Variants in KLHDC7A observed in about 807,000 individuals in gnomAD.
The protein encoded by KLHDC7A is kelch domain containing 7A.
For synonymous variants in KLHDC7A, 464 were observed against 461.0 expected, an observed-to-expected ratio of 1.01 and a Z score of -0.08; for missense variants, 1,123 against 1,052.6, an observed-to-expected ratio of 1.07 and a Z score of -0.93.
rs1451260945 is a variant in KLHDC7A, at chr1:18,482,140, C to T, written c.1159C>T (p.Pro387Ser). 1 of 1,611,700 alleles carries T rather than the reference C, an allele frequency of 6.2e-7. No individual in the cohort carries two copies. Among genetic ancestry groups the T allele is most frequent in the South Asian group, 1.1e-5 (1 of 91,006 alleles). The change falls in exon 1 of 1, where the codon CCA becomes TCA. Residue 387 changes from proline (P) to serine (S), a missense_variant. Physicochemically the swap from Pro to Ser is moderately conservative, Grantham distance 74. Coordinates refer to ENST00000400664, the MANE Select transcript of KLHDC7A (RefSeq NM_152375.3). ...LQPDGFRLPA[P>S]PCPDPGALPG... ...GCCAGATGGCTTCCGGCTCCCCGCT[C>T]CACCCTGCCCAGACCCGGGCGCCCT... is the stretch of plus-strand genomic sequence containing the variant.
rs745924222 is a variant in KLHDC7A, at chr1:18,483,232, C to G, written c.2251C>G (p.Arg751Gly). The G allele has an allele frequency of 6.2e-7, 1 of 1,613,862 alleles. No homozygotes were observed. The highest frequency in any genetic ancestry group is 2.2e-5 in the East Asian group (1 of 44,886). The change falls in exon 1 of 1, where the codon CGG (arginine) becomes GGG (glycine). Residue 751 changes from arginine (R) to glycine (G), a missense_variant. Arg to Gly is a moderately radical substitution (Grantham distance 125). Coordinates refer to ENST00000400664, the MANE Select transcript of KLHDC7A (RefSeq NM_152375.3). The part of the protein sequence containing the change: ...VSPRFVPKEL[R>G]SFPAPQGTLL... ...ACCCAGGTTTGTGCCCAAGGAGCTG[C>G]GGAGTTTCCCGGCCCCGCAGGGCAC...
Position 18,481,242 on chromosome 1 carries a change from G to A in KLHDC7A, c.261G>A (p.Lys87=). ...GGCCAAGACGTCGGAGGAGCAGCAAGCGGGCTGAAGCACCACAGGGCTGCA... is the reference window on the plus strand; with the variant it reads ...GGCCAAGACGTCGGAGGAGCAGCAAACGGGCTGAAGCACCACAGGGCTGCA... ...LRGPRRRRSS[K]RAEAPQGCSC... The change falls in exon 1 of 1, where the codon AAG becomes AAA. Residue 87 remains lysine (K), a synonymous_variant. Coordinates refer to ENST00000400664, the MANE Select transcript of KLHDC7A (RefSeq NM_152375.3). 1 of 1,583,918 alleles carries A rather than the reference G, an allele frequency of 6.3e-7. No homozygotes were observed. The highest frequency in any genetic ancestry group is 1.2e-5 in the South Asian group (1 of 86,414).
rs190841141 is a variant in KLHDC7A at position 18,483,374 on chromosome 1, C to G, written c.*59C>G. 5.7e-6 allele frequency: 9 copies of G among 1,569,242 alleles called. No homozygotes were observed. In the East Asian group the frequency reaches 2.0e-4, roughly 35 times the overall value. On this transcript the variant is annotated 3_prime_UTR_variant, in exon 1 of 1. Transcript: ENST00000400664. ...GGGGCCACCGGGCTCCACTGCCAGC[C>G]GTCCCTCTGGGGGCCATTTCTAGGC...
Position 18,481,360 on chromosome 1 carries a change from G to T in KLHDC7A, c.379G>T (p.Gly127Cys), listed in dbSNP as rs199684312. ...PQRKGSGEER[G>C]GQGSDSEQVP... ...GAGAAAAGGCTCAGGTGAGGAGCGG[G>T]GCGGGCAGGGCTCGGACTCTGAGCA... The change falls in exon 1 of 1, where the codon GGC becomes TGC. Residue 127 changes from glycine to cysteine, a missense_variant. Physicochemically the swap from Gly to Cys is radical, Grantham distance 159. Transcript: ENST00000400664. 1,257 of 1,607,114 alleles carry T rather than the reference G, an allele frequency of 7.8e-4. 15 individuals carry two copies. The African/African-American group carries it at 0.014, about 18-fold the overall frequency.
Position 18,482,301 on chromosome 1 carries a change from C to T in KLHDC7A, c.1320C>T (p.Thr440=). ...LDLGNCYEVL[T]LAKRQNLEAL... ...TGGGCAATTGCTATGAGGTGCTGAC[C>T]TTGGCCAAGAGGCAGAACCTGGAGG... The change falls in exon 1 of 1, where the codon ACC becomes ACT. Residue 440 remains threonine, a synonymous_variant. Transcript: ENST00000400664. 1.2e-6 allele frequency: 2 copies of T among 1,602,460 alleles called. No homozygotes were observed. Among genetic ancestry groups the T allele is most frequent in the East Asian group, 4.5e-5 (2 of 44,860 alleles).
In KLHDC7A at chr1:18,481,792, G is replaced by C. The variant is rs199955225; in HGVS notation, c.811G>C (p.Glu271Gln). 7.4e-6 allele frequency: 12 copies of C among 1,614,136 alleles called. No individual in the cohort carries two copies. Among genetic ancestry groups the C allele is most frequent in the Non-Finnish European group, 1.0e-5 (12 of 1,180,022 alleles). ...TFSSIARVRM[E>Q]EHFIQKAEGV... ...CTCATCCATAGCCCGCGTCCGAATGGAGGAGCATTTCATACAGAAGGCGGA... is the reference window on the plus strand; with the variant it reads ...CTCATCCATAGCCCGCGTCCGAATGCAGGAGCATTTCATACAGAAGGCGGA... Residue 271 changes from glutamate (E) to glutamine (Q), a missense_variant, in exon 1 of 1, where the codon GAG becomes CAG. Glu to Gln is a conservative substitution (Grantham distance 29). Coordinates refer to ENST00000400664, the MANE Select transcript of KLHDC7A (RefSeq NM_152375.3).
At position 18,483,620 on chromosome 1, in the gene KLHDC7A, C is replaced by T. The variant is rs571144346; in HGVS notation, c.*305C>T. The T allele has an allele frequency of 4.2e-4, 543 of 1,300,116 alleles. 1 individual carries two copies. Among genetic ancestry groups the T allele is most frequent in the Admixed American group, 1.6e-3 (47 of 28,980 alleles). The allele number at this position is 1,300,116 out of a possible 1,614,324, so 80.5% of individuals were successfully genotyped here. On this transcript the variant is annotated 3_prime_UTR_variant, in exon 1 of 1. Coordinates refer to ENST00000400664, the MANE Select transcript of KLHDC7A (RefSeq NM_152375.3). ...AACTCTGAATTCTTGGGGGGATACA[C>T]CGGGACCCCACCAAAGCTTAGGGGG...
chr1:18,481,857 C>G lies in KLHDC7A; in HGVS notation c.876C>G (p.Tyr292Ter). 1.2e-6 allele frequency: 2 copies of G among 1,613,998 alleles called. No individual in the cohort carries two copies. The highest frequency in any genetic ancestry group is 2.7e-5 in the African/African-American group (2 of 75,062). The part of the protein sequence containing the change: ...EPRLKGKVYD[Y>*]YVESTSQAIF... ...GGCTCAAGGGCAAGGTGTACGACTA[C>G]TATGTGGAATCTACCTCTCAGGCCA... The change falls in exon 1 of 1, where the codon TAC becomes TAG. Residue 292 changes from tyrosine to a stop codon, truncating the protein, a stop_gained. Transcript: ENST00000400664. LOFTEE classifies it low-confidence loss of function (END_TRUNC).
At position 18,483,194 on chromosome 1, in the gene KLHDC7A, C is replaced by T; in HGVS notation, c.2213C>T (p.Ala738Val). 6.2e-7 allele frequency: 1 copy of T among 1,614,076 alleles called. No individual in the cohort carries two copies. The highest frequency in any genetic ancestry group is 8.5e-7 in the Non-Finnish European group (1 of 1,180,036). ...VGRRSTLCFLADSVSPRFVPK... is the reference protein window; with the variant it reads ...VGRRSTLCFLVDSVSPRFVPK... ...CGCCGGAGCACCCTCTGCTTCCTAG[C>T]AGACTCTGTCTCACCCAGGTTTGTG... The change falls in exon 1 of 1, where the codon GCA becomes GTA. Residue 738 changes from alanine (A) to valine (V), a missense_variant. By Grantham distance (64) the Ala-to-Val change is moderately conservative. Transcript: ENST00000400664.
Position 18,483,081 on chromosome 1 carries a change from G to T in KLHDC7A, c.2100G>T (p.Arg700=). The T allele has an allele frequency of 6.2e-7, 1 of 1,613,766 alleles. No homozygotes were observed. The highest frequency in any genetic ancestry group is 1.1e-5 in the South Asian group (1 of 91,076). Residue 700 remains arginine (R), a synonymous_variant, in exon 1 of 1, where the codon CGG becomes CGT. Coordinates refer to ENST00000400664, the MANE Select transcript of KLHDC7A (RefSeq NM_152375.3). ...TGTACCGCTGCAGCGCCAGCACCCG[G>T]CTCTGGTACGAGTGCGCCACGTACC... ...IAVYRCSAST[R]LWYECATYRT... is the part of the protein sequence containing the mutation.
In KLHDC7A at chr1:18,482,488, G is replaced by A. The variant is rs868848351; in HGVS notation, c.1507G>A (p.Glu503Lys). The change falls in exon 1 of 1, where the codon GAA becomes AAA. Residue 503 changes from glutamate (E) to lysine (K), a missense_variant. Glu to Lys is a moderately conservative substitution (Grantham distance 56, BLOSUM62 1). Transcript: ENST00000400664. ...GGTGGTGGCTGACGTGTGCCCCAAG[G>A]AAGACTCCGGCGGCCTCTGTTGCTA... Reference protein sequence around the residue: ...YLVVADVCPKEDSGGLCCYDD... With the variant: ...YLVVADVCPKKDSGGLCCYDD... The A allele has an allele frequency of 6.2e-7, 1 of 1,611,666 alleles. No individual in the cohort carries two copies.
At position 18,483,129 on chromosome 1, in the gene KLHDC7A, C is replaced by A; in HGVS notation, c.2148C>A (p.Phe716Leu). The A allele has an allele frequency of 6.2e-7, 1 of 1,614,022 alleles. No homozygotes were observed. The highest frequency in any genetic ancestry group is 8.5e-7 in the Non-Finnish European group (1 of 1,180,038). Reference sequence around the variant, plus strand: ...ACCGGACGCCTTACCCGGATGCCTTCCAGTGCGCCGTGGTGGACAACCTCA... The same window carrying A: ...ACCGGACGCCTTACCCGGATGCCTTACAGTGCGCCGTGGTGGACAACCTCA... The part of the protein sequence containing the change: ...ATYRTPYPDA[F>L]QCAVVDNLIY... The change falls in exon 1 of 1, where the codon TTC becomes TTA. Residue 716 changes from phenylalanine (F) to leucine (L), a missense_variant. By Grantham distance (22) the Phe-to-Leu change is conservative. Transcript: ENST00000400664.
Position 18,482,755 on chromosome 1 carries a change from T to C in KLHDC7A, c.1774T>C (p.Tyr592His). The stretch of plus-strand genomic sequence containing the variant: ...GCTGGTGGCCCTGGACGGGCACCTG[T>C]ATGCCATCGGCGGAGAGTGTCTGAA... ...CRLVALDGHLYAIGGECLNSV... is the reference protein window; with the variant it reads ...CRLVALDGHLHAIGGECLNSV... Residue 592 changes from tyrosine to histidine, a missense_variant, in exon 1 of 1, where the codon TAT becomes CAT. By Grantham distance (83) the Tyr-to-His change is moderately conservative. Coordinates refer to ENST00000400664, the MANE Select transcript of KLHDC7A (RefSeq NM_152375.3). 1 of 1,610,828 alleles carries C rather than the reference T, an allele frequency of 6.2e-7. No individual in the cohort carries two copies. Among genetic ancestry groups the C allele is most frequent in the Non-Finnish European group, 8.5e-7 (1 of 1,179,358 alleles).
Position 18,481,579 on chromosome 1 carries a change from G to A in KLHDC7A, c.598G>A (p.Gly200Arg). Residue 200 changes from glycine (G) to arginine (R), a missense_variant, in exon 1 of 1, where the codon GGG (glycine) becomes AGG (arginine). Gly to Arg is a moderately radical substitution (Grantham distance 125, BLOSUM62 -2). Coordinates refer to ENST00000400664, the MANE Select transcript of KLHDC7A (RefSeq NM_152375.3). ...TAAACCCCGTGAGCATCCAGGACTG[G>A]GGCAACTAGAACCTCCCCACTGTCA... is the stretch of plus-strand genomic sequence containing the variant. The part of the protein sequence containing the change: ...DSKPREHPGL[G>R]QLEPPHCHYV... The A allele has an allele frequency of 6.2e-7, 1 of 1,613,718 alleles. No individual in the cohort carries two copies. The highest frequency in any genetic ancestry group is 8.5e-7 in the Non-Finnish European group (1 of 1,179,980).
chr1:18,482,719 C>A lies in KLHDC7A; in HGVS notation c.1738C>A (p.Pro580Thr). Reference sequence around the variant, plus strand: ...GGTGTGCCCGCTGAACCAGGCCCGGCCGCACTGCCGGCTGGTGGCCCTGGA... The same window carrying A: ...GGTGTGCCCGCTGAACCAGGCCCGGACGCACTGCCGGCTGGTGGCCCTGGA... ...SEVCPLNQAR[P>T]HCRLVALDGH... Residue 580 changes from proline to threonine, a missense_variant, in exon 1 of 1, where the codon CCG (proline) becomes ACG (threonine). Transcript: ENST00000400664. The A allele has an allele frequency of 6.2e-7, 1 of 1,610,218 alleles. No individual in the cohort carries two copies.
At position 18,483,013 on chromosome 1, in the gene KLHDC7A, T is replaced by C; in HGVS notation, c.2032T>C (p.Phe678Leu). 14 of 1,613,334 alleles carry C rather than the reference T, an allele frequency of 8.7e-6. No homozygotes were observed. The highest frequency in any genetic ancestry group is 1.2e-5 in the Non-Finnish European group (14 of 1,179,930). The change falls in exon 1 of 1, where the codon TTT (phenylalanine) becomes CTT (leucine). Residue 678 changes from phenylalanine to leucine, a missense_variant. Transcript: ENST00000400664. ...GGCCGAGATGGTGGCGGTCAACGGC[T>C]TTCTCTACCGCTTTGACCTCAACCG... The part of the protein sequence containing the change: ...RTAEMVAVNG[F>L]LYRFDLNRSL...
chr1:18,481,793 A>G lies in KLHDC7A; in HGVS notation c.812A>G (p.Glu271Gly). Residue 271 changes from glutamate (E) to glycine (G), a missense_variant, in exon 1 of 1, where the codon GAG (glutamate) becomes GGG (glycine). Transcript: ENST00000400664. Reference protein sequence around the residue: ...TFSSIARVRMEEHFIQKAEGV... With the variant: ...TFSSIARVRMGEHFIQKAEGV... ...TCATCCATAGCCCGCGTCCGAATGGAGGAGCATTTCATACAGAAGGCGGAG... is the reference window on the plus strand; with the variant it reads ...TCATCCATAGCCCGCGTCCGAATGGGGGAGCATTTCATACAGAAGGCGGAG... The G allele has an allele frequency of 6.2e-7, 1 of 1,614,100 alleles. No individual in the cohort carries two copies. The highest frequency in any genetic ancestry group is 8.5e-7 in the Non-Finnish European group (1 of 1,180,006).
At position 18,483,122 on chromosome 1, in the gene KLHDC7A, A is replaced by G. The variant is rs1336286347; in HGVS notation, c.2141A>G (p.Asp714Gly). The G allele has an allele frequency of 9.9e-6, 16 of 1,613,794 alleles. No homozygotes were observed. The highest frequency in any genetic ancestry group is 1.4e-5 in the Non-Finnish European group (16 of 1,180,014). The change falls in exon 1 of 1, where the codon GAT becomes GGT. Residue 714 changes from aspartate to glycine, a missense_variant. Transcript: ENST00000400664. ...GCCACGTACCGGACGCCTTACCCGG[A>G]TGCCTTCCAGTGCGCCGTGGTGGAC... ...ECATYRTPYP[D>G]AFQCAVVDNL...
rs758380139 is a variant in KLHDC7A, at chr1:18,482,406, G to A, written c.1425G>A (p.Leu475=). Residue 475 remains leucine (L), a synonymous_variant, in exon 1 of 1, where the codon CTG becomes CTA. Transcript: ENST00000400664. The part of the protein sequence containing the change: ...VLRSPDIYGC[L]SGAERELILQ... Reference sequence around the variant, plus strand: ...GCAGCCCGGACATCTACGGGTGCCTGAGCGGGGCAGAGCGCGAGCTGATCC... The same window carrying A: ...GCAGCCCGGACATCTACGGGTGCCTAAGCGGGGCAGAGCGCGAGCTGATCC... 6 of 1,607,260 alleles carry A rather than the reference G, an allele frequency of 3.7e-6. No individual in the cohort carries two copies. Among genetic ancestry groups the A allele is most frequent in the Non-Finnish European group, 4.2e-6 (5 of 1,179,932 alleles).
Sources: gnomAD v4.1 joint callset for allele counts on GRCh38, gnomAD v4.1.1 for gene constraint, MANE v1.5 for transcripts, NCBI Gene and HGNC (gene_info 2026-07-23, HGNC 2026-07-21) for gene names.